Variants in EBF4 observed in about 807,000 individuals in gnomAD.
EBF4 encodes the protein transcription factor COE4.
In EBF4, 34 loss-of-function variants were observed where a neutral mutation model predicts 67.1. That is an observed-to-expected ratio of 0.51 (90% CI 0.39 to 0.67). EBF4 has a LOEUF of 0.67. Among genes scored for constraint, EBF4 ranks in the 30% least tolerant of loss-of-function variants. The pLI, the probability that EBF4 is intolerant of heterozygous loss-of-function variation, is 0.00. For missense variants in EBF4, 837 were observed against 873.3 expected, an observed-to-expected ratio of 0.96 and a Z score of 0.52; for synonymous variants, 387 against 377.7, an observed-to-expected ratio of 1.02 and a Z score of -0.29.
intron 1 of EBF4, among the ~76,000 whole-genome samples, chr20:2,700,799 G>T (rs6115609): frequency 0.023 from 3,525 of 152,204 alleles, 132 homozygotes; most frequent in African/African-American, 0.079. Context: ...TACAAGTGTT[G>T]ATTGGTCACC....
At chr20:2,741,623 A>G (rs2087969781) in intron 6 of EBF4, among the ~76,000 whole-genome samples, 1 of 152,198 alleles carries the variant, frequency 6.6e-6, no homozygotes, top group South Asian at 2.1e-4. Context: ...GTTTATAGAC[A>G]TGATTACGAA....
At chr20:2,704,094 C>A (rs1242601863) in intron 1 of EBF4, among the ~76,000 whole-genome samples, 1 of 152,134 alleles carries the variant, frequency 6.6e-6, no homozygotes, top group African/African-American at 2.4e-5. Context: ...TATGATCTAA[C>A]CTTGGAAGTT....
chr20:2,729,609 A>G (rs2087788345), intron 6 of EBF4, among the ~76,000 whole-genome samples: 1 of 152,104 alleles, frequency 6.6e-6, no homozygotes, highest in African/African-American at 2.4e-5. Flanking sequence ...CACCTACCAC[A>G]GTTCCTATTT....
intron 6 of EBF4, among the ~76,000 whole-genome samples, chr20:2,740,043 T>A (rs745389435): frequency 3.9e-5 from 6 of 152,256 alleles, no homozygotes; most frequent in Non-Finnish European, 2.9e-5. Context: ...CTGGGCGCAG[T>A]GGCCCACGCC....
chr20:2,695,849 C>T (rs945922937), intron 1 of EBF4, among the ~76,000 whole-genome samples: 2 of 152,200 alleles, frequency 1.3e-5, no homozygotes, highest in Non-Finnish European at 2.9e-5. Context: ...TCCCAAAAGA[C>T]TCCCTGGGAT....
intron 6 of EBF4, among the ~76,000 whole-genome samples, chr20:2,716,456 G>A (rs932963598): frequency 2.0e-5 from 3 of 151,342 alleles, no homozygotes; most frequent in Non-Finnish European, 4.4e-5. Context: ...TTGAACTCAG[G>A]AGGCGGAGGT....
At chr20:2,727,769 G>A (rs115834311) in intron 6 of EBF4, among the ~76,000 whole-genome samples, 1,636 of 152,242 alleles carry the variant, frequency 0.011, 24 homozygotes, top group African/African-American at 0.036. Flanking sequence ...ATGGGTGTGA[G>A]GTAATATTTG....
chr20:2,705,781 C>G (rs1363473377), intron 2 of EBF4, 48 bp downstream of exon 2: 1 of 1,229,908 alleles, frequency 8.1e-7, no homozygotes, highest in Non-Finnish European at 1.1e-6. Flanking sequence ...GAGGGAACCC[C>G]CAACCACACA....
intron 6 of EBF4, among the ~76,000 whole-genome samples, chr20:2,744,715 C>T (rs1483294305): frequency 1.3e-5 from 2 of 151,970 alleles, no homozygotes; most frequent in Non-Finnish European, 1.5e-5. Context: ...TAGTCTCAAA[C>T]TCCTGGCCTC....
chr20:2,720,771 C>T (rs1293531785), intron 6 of EBF4, among the ~76,000 whole-genome samples: 4 of 152,024 alleles, frequency 2.6e-5, no homozygotes, highest in Non-Finnish European at 4.4e-5. Flanking sequence ...AATTTCCATC[C>T]AGTATCAATT....
At chr20:2,758,920 G>A (rs1356611597) in exon 16 of EBF4, 1 of 1,551,648 alleles carries the variant, frequency 6.4e-7, no homozygotes, top group African/African-American at 1.4e-5. Context: ...CCAGTCTTTT[G>A]AGGATTCTGA....
chr20:2,755,478 C>T lies in EBF4; in HGVS notation c.1541-149C>T. Reference sequence around the variant, plus strand: ...GAGAGGTCAGGGCTGGCCCAGGACCCTCACAGCTCCCAGTGAGATCTGAGC... The same window carrying T: ...GAGAGGTCAGGGCTGGCCCAGGACCTTCACAGCTCCCAGTGAGATCTGAGC... On this transcript the variant is annotated intron_variant, in intron 14 of 16. Coordinates refer to ENST00000609451, the Ensembl canonical transcript of EBF4. This position sits in a 1 kb window ranked among gnomAD's most constrained non-coding sequence, Gnocchi z 4.7. The T allele has an allele frequency of 1.6e-6, 1 of 617,608 alleles. No individual in the cohort carries two copies. The highest frequency in any genetic ancestry group is 1.9e-5 in the South Asian group (1 of 52,988). 38.3% of individuals were successfully genotyped at this position (617,608 alleles called of 1,614,324 possible).
intron 10 of EBF4, 71 bp downstream of exon 10, chr20:2,750,044 G>C: frequency 6.8e-7 from 1 of 1,476,514 alleles, no homozygotes; most frequent in Non-Finnish European, 9.0e-7. Context: ...ACTGGTCTCC[G>C]TTCTTGGTGA....
chr20:2,751,797 A>T lies in EBF4; in HGVS notation c.1107+9A>T, dbSNP rs1296976940. ...CCGAGAGGCTGCCCAAGGTACTCAG[A>T]GGGGCGGGGCGGGGCGGGGCTGAGG... On this transcript the variant is annotated intron_variant, in intron 11 of 16. Transcript: ENST00000609451. The surrounding 1 kb of genome is among the most constrained non-coding windows in gnomAD (Gnocchi z 5.2). 7 of 553,178 alleles carry T rather than the reference A, an allele frequency of 1.3e-5. No homozygotes were observed. The highest frequency in any genetic ancestry group is 2.1e-5 in the African/African-American group (1 of 46,710). 34.3% of individuals were successfully genotyped at this position (553,178 alleles called of 1,614,324 possible). A position where few individuals can be genotyped will look rare whatever the true frequency, so the allele number is the denominator to read the frequency against.
At chr20:2,720,680 T>G (rs1189479994) in intron 6 of EBF4, among the ~76,000 whole-genome samples, 1 of 152,214 alleles carries the variant, frequency 6.6e-6, no homozygotes, top group East Asian at 1.9e-4. Flanking sequence ...CTTTGTCAAT[T>G]GCTTTTAATG....
intron 6 of EBF4, among the ~76,000 whole-genome samples, chr20:2,723,085 A>G (rs988122444): frequency 2.6e-5 from 4 of 152,216 alleles, no homozygotes; most frequent in African/African-American, 7.2e-5. Flanking sequence ...AATTTTTGAC[A>G]CATATATATT....
At chr20:2,744,425 A>G (rs1349153416) in intron 6 of EBF4, among the ~76,000 whole-genome samples, 2 of 151,756 alleles carry the variant, frequency 1.3e-5, no homozygotes, top group African/African-American at 4.8e-5. Context: ...CGATATTAAT[A>G]TAATGCAAGC....
chr20:2,705,089 T>G (rs1276627406), intron 1 of EBF4, among the ~76,000 whole-genome samples: 1 of 152,254 alleles, frequency 6.6e-6, no homozygotes, highest in African/African-American at 2.4e-5. Flanking sequence ...TCCAAGGGTC[T>G]GATGGACATC....
chr20:2,730,616 C>T (rs1791078990), intron 6 of EBF4, among the ~76,000 whole-genome samples: 1 of 152,176 alleles, frequency 6.6e-6, no homozygotes, highest in South Asian at 2.1e-4. Context: ...CCTTAAGCCA[C>T]CATATCACTC....
Sources: gnomAD v4.1 joint callset for allele counts (sites outside exome capture counted in the v4.1 genomes callset) on GRCh38, gnomAD v4.1.1 for gene constraint, Gnocchi (gnomAD v3.1) non-coding constraint, MANE v1.5 for transcripts, NCBI Gene and HGNC (gene_info 2026-07-23, HGNC 2026-07-21) for gene names.